The following DIS3L2 variants were observed in gnomAD, a reference collection of about 807,000 sequenced individuals.
DIS3L2 encodes the protein DIS3-like exonuclease 2.
In DIS3L2, 34 loss-of-function variants were observed where a neutral mutation model predicts 97.5. That is an observed-to-expected ratio of 0.35 (90% CI 0.27 to 0.46). The LOEUF is 0.46. Among genes scored for constraint, DIS3L2 ranks in the 20% least tolerant of loss-of-function variants. DIS3L2 has a pLI of 1.00. For missense variants in DIS3L2, 1,038 were observed against 1,146.0 expected, an observed-to-expected ratio of 0.91 and a Z score of 1.36; for synonymous variants, 435 against 445.2, an observed-to-expected ratio of 0.98 and a Z score of 0.29.
intron 8 of DIS3L2, among the ~76,000 whole-genome samples, chr2:232,153,796 T>C (rs1196245579): frequency 4.6e-5 from 7 of 151,970 alleles, no homozygotes; most frequent in Non-Finnish European, 8.8e-5. Context: ...TGCAGAGTGT[T>C]TTCCAACTTG....
intron 5 of DIS3L2, among the ~76,000 whole-genome samples, chr2:232,063,652 G>A (rs1040173509): frequency 5.9e-5 from 9 of 151,818 alleles, no homozygotes; most frequent in Admixed American, 1.3e-4. Context: ...TCTTTCCTTC[G>A]TCATCTCACA....
intron 6 of DIS3L2, among the ~76,000 whole-genome samples, chr2:232,105,742 A>C (rs943010719): frequency 6.6e-6 from 1 of 152,228 alleles, no homozygotes; most frequent in Non-Finnish European, 1.5e-5. Context: ...AAAGGAAATA[A>C]TGTCTCACAA....
chr2:232,339,253 C>T (rs1296425670), downstream of DIS3L2, among the ~76,000 whole-genome samples: 2 of 152,200 alleles, frequency 1.3e-5, no homozygotes, highest in Non-Finnish European at 2.9e-5. Flanking sequence ...GATGTCAGGC[C>T]GCAGAAGGGA....
chr2:232,093,716 A>G (rs1426440487), intron 6 of DIS3L2, among the ~76,000 whole-genome samples: 2 of 152,144 alleles, frequency 1.3e-5, no homozygotes, highest in African/African-American at 4.8e-5. Flanking sequence ...GAGTTTCTGC[A>G]GTATCAGTTG....
At chr2:232,294,813 G>T (rs1247578618) in intron 13 of DIS3L2, among the ~76,000 whole-genome samples, 1 of 152,188 alleles carries the variant, frequency 6.6e-6, no homozygotes, top group Non-Finnish European at 1.5e-5. Context: ...AACCGGCTTT[G>T]CAGGGCTCTT....
chr2:232,087,843 G>A, intron 6 of DIS3L2, 122 bp downstream of exon 6: 2 of 763,310 alleles, frequency 2.6e-6, no homozygotes, highest in East Asian at 2.7e-5. Flanking sequence ...TTGACCTGTG[G>A]CAGCTTTCAG....
At chr2:232,286,641 A>G (rs1694444337) in intron 13 of DIS3L2, among the ~76,000 whole-genome samples, 1 of 152,218 alleles carries the variant, frequency 6.6e-6, no homozygotes, top group Non-Finnish European at 1.5e-5. Context: ...CGCTATAGCT[A>G]GGCACTGTTA....
intron 8 of DIS3L2, among the ~76,000 whole-genome samples, chr2:232,159,952 T>C (rs1690602833): frequency 6.6e-6 from 1 of 152,244 alleles, no homozygotes; most frequent in Non-Finnish European, 1.5e-5. Flanking sequence ...CATTATTTGG[T>C]CATGATGTAT....
intron 9 of DIS3L2, among the ~76,000 whole-genome samples, chr2:232,199,524 T>G (rs1381928443): frequency 6.6e-6 from 1 of 152,216 alleles, no homozygotes; most frequent in East Asian, 1.9e-4. Flanking sequence ...GAGGATAAGA[T>G]TTGGAGTAGG....
chr2:232,056,583 A>G (rs993966452), intron 5 of DIS3L2, among the ~76,000 whole-genome samples: 3 of 151,326 alleles, frequency 2.0e-5, no homozygotes, highest in African/African-American at 4.8e-5. Flanking sequence ...CATAATTGAG[A>G]AAAAAAACAG....
At chr2:232,001,344 A>G (rs565508343) in intron 1 of DIS3L2, among the ~76,000 whole-genome samples, 2 of 152,196 alleles carry the variant, frequency 1.3e-5, no homozygotes, top group Admixed American at 6.5e-5. Context: ...TTGGTAATTT[A>G]TGGGTCTTTT....
intron 5 of DIS3L2, among the ~76,000 whole-genome samples, chr2:232,058,749 A>G (rs1291099975): frequency 6.6e-6 from 1 of 152,114 alleles, no homozygotes; most frequent in Non-Finnish European, 1.5e-5. Flanking sequence ...TATATGTGTG[A>G]GTGGGTGTAA....
chr2:232,200,345 G>A (rs1691856209), intron 9 of DIS3L2, among the ~76,000 whole-genome samples: 3 of 152,228 alleles, frequency 2.0e-5, no homozygotes, highest in Middle Eastern at 6.8e-3. Context: ...GGGCCTGGAG[G>A]CAATGAGCAT....
chr2:232,067,145 T>C (rs1695873985), intron 5 of DIS3L2, among the ~76,000 whole-genome samples: 1 of 152,126 alleles, frequency 6.6e-6, no homozygotes, highest in Non-Finnish European at 1.5e-5. Context: ...TTTTCTCTCT[T>C]AAATTTACTG....
intron 1 of DIS3L2, among the ~76,000 whole-genome samples, chr2:232,000,662 C>CCTTTCCTTTT (rs1178382206): frequency 1.1e-5 from 1 of 92,916 alleles, no homozygotes; most frequent in Non-Finnish European, 2.3e-5. Flanking sequence ...CCTTTCCTTT[C>CCTTTCCTTTT]TCTTTCTCTC....
chr2:232,221,364 G>A (rs1692502599), intron 10 of DIS3L2, among the ~76,000 whole-genome samples: 2 of 152,156 alleles, frequency 1.3e-5, no homozygotes, highest in Non-Finnish European at 2.9e-5. Context: ...TTAAATGTGA[G>A]GTGCTTCCCA....
chr2:231,980,800 C>T (rs544427555), intron 1 of DIS3L2, among the ~76,000 whole-genome samples: 2 of 152,092 alleles, frequency 1.3e-5, no homozygotes, highest in African/African-American at 4.8e-5. Flanking sequence ...TTTAATGGAC[C>T]TCTTTATAGT....
intron 14 of DIS3L2, among the ~76,000 whole-genome samples, chr2:232,310,938 G>A (rs1695110830): frequency 1.3e-5 from 2 of 152,228 alleles, no homozygotes; most frequent in African/African-American, 4.8e-5. Flanking sequence ...CCAGGACAAG[G>A]AGGAGCTCTT....
chr2:231,971,678 C>G (rs1471440063), intron 1 of DIS3L2, among the ~76,000 whole-genome samples: 1 of 151,932 alleles, frequency 6.6e-6, no homozygotes, highest in Non-Finnish European at 1.5e-5. Flanking sequence ...GATCTCCTGA[C>G]CTTGTGATCC....
Sources: gnomAD v4.1 joint callset for allele counts (sites outside exome capture counted in the v4.1 genomes callset) on GRCh38, gnomAD v4.1.1 for gene constraint, MANE v1.5 for transcripts, NCBI Gene and HGNC (gene_info 2026-07-23, HGNC 2026-07-21) for gene names.